COMMD8: variants seen among roughly 807,000 people sequenced by gnomAD.
COMMD8 encodes the protein COMM domain containing 8.
COMMD8 carries 28 observed loss-of-function variants against 27.2 expected under a neutral mutation model. That is an observed-to-expected ratio of 1.03 (90% CI 0.76 to 1.41). The LOEUF is 1.41. COMMD8 is among the 40% of genes most tolerant of loss of function. The pLI is 0.00. For missense variants in COMMD8, 217 were observed against 211.2 expected (o/e 1.03, Z -0.17); for synonymous variants, 79 against 75.5 (o/e 1.05, Z -0.24).
At chr4:47,455,099 C>T (rs1047821468) in intron 3 of COMMD8, among the ~76,000 whole-genome samples, 1 of 151,880 alleles carries the variant, frequency 6.6e-6, no homozygotes, top group African/African-American at 2.4e-5. Flanking sequence ...CTGCAAGCTC[C>T]ACCTCCTGGG....
At chr4:47,453,713 G>A (rs1273374506) in intron 3 of COMMD8, among the ~76,000 whole-genome samples, 1 of 152,160 alleles carries the variant, frequency 6.6e-6, no homozygotes, top group Non-Finnish European at 1.5e-5. Context: ...GAAACACTCT[G>A]TACATTTACC....
chr4:47,454,864 C>CAAAAAAA (rs1187989270), intron 3 of COMMD8, among the ~76,000 whole-genome samples: 25 of 39,484 alleles, frequency 6.3e-4, no homozygotes, highest in South Asian at 1.3e-3. Flanking sequence ...AACTCCATCT[C>CAAAAAAA]AAAAAAAAAA....
chr4:47,456,564 C>T lies in COMMD8; in HGVS notation c.375+13G>A. 1 of 1,587,098 alleles carries T rather than the reference C, an allele frequency of 6.3e-7. No individual in the cohort carries two copies. Among genetic ancestry groups the T allele is most frequent in the Non-Finnish European group, 8.6e-7 (1 of 1,168,420 alleles). On this transcript the variant is annotated intron_variant, in intron 3 of 4. Transcript: ENST00000381571. ...AAATGAAATAAAAAATACACATACT[C>T]ATAGACTCTTACCTTTACCTGCCAA...
In COMMD8 at chr4:47,453,185, T is replaced by G; in HGVS notation, c.405A>C (p.Ala135=). The change falls in exon 4 of 5, where the codon GCA becomes GCC. Residue 135 remains alanine, a synonymous_variant. Coordinates refer to ENST00000381571, the MANE Select transcript of COMMD8 (RefSeq NM_017845.5). ...GCAGGCTTAAAAGTGGCATTCGTAA[T>G]GCAGCAATCTTGTCACTGGAAAGTG... ...KLALSSDKIA[A]LRMPLLSLHL... is the part of the protein sequence containing the mutation. 6.2e-7 allele frequency: 1 copy of G among 1,613,942 alleles called. No individual in the cohort carries two copies. The highest frequency in any genetic ancestry group is 1.1e-5 in the South Asian group (1 of 91,054).
rs1226670850 is a variant in COMMD8, at chr4:47,456,698, A to G, written c.254T>C (p.Leu85Pro). The G allele has an allele frequency of 6.2e-7, 1 of 1,606,290 alleles. No homozygotes were observed. Among genetic ancestry groups the G allele is most frequent in the Admixed American group, 1.7e-5 (1 of 58,330 alleles). The change falls in exon 3 of 5, where the codon CTT becomes CCT. Residue 85 changes from leucine (L) to proline (P), a missense_variant. Coordinates refer to ENST00000381571, the MANE Select transcript of COMMD8 (RefSeq NM_017845.5). ...IFQQLNQLNS[L>P]HQETIMKCVK... ...GCATTTCATGATAGTTTCTTGATGA[A>G]GTGAATTCAACTGATTCAACTGCTG...
chr4:47,458,808 T>C (rs534869247), intron 2 of COMMD8, among the ~76,000 whole-genome samples: 1 of 152,184 alleles, frequency 6.6e-6, no homozygotes, highest in Non-Finnish European at 1.5e-5. Flanking sequence ...AGTATAGCAT[T>C]GGCAAATATA....
rs185257076 is a variant in COMMD8, at chr4:47,458,669, T to C, written c.222+1475A>G. On this transcript the variant is annotated intron_variant, in intron 2 of 4. Coordinates refer to ENST00000381571, the MANE Select transcript of COMMD8 (RefSeq NM_017845.5). ...AGGTTTGTAGGTTAAAACTGAAAAG[T>C]TGATTCTAGAGGGTTATCCGAAAAT... Among the ~76,000 whole-genome samples the C allele has an allele frequency of 7.2e-5, 11 of 152,100 alleles. 1 individual carries two copies. The highest frequency in any genetic ancestry group is 6.5e-4 in the Admixed American group (10 of 15,272).
At chr4:47,463,412 T>C (rs531706335) in intron 1 of COMMD8, among the ~76,000 whole-genome samples, 174 bp downstream of exon 1, 2 of 152,354 alleles carry the variant, frequency 1.3e-5, no homozygotes, top group East Asian at 1.9e-4. Context: ...CGCCCCAAGC[T>C]GTCCTCCTAG....
intron 3 of COMMD8, among the ~76,000 whole-genome samples, chr4:47,453,977 TGTG>T: frequency 6.6e-6 from 1 of 152,332 alleles, no homozygotes; most frequent in Non-Finnish European, 1.5e-5. Context: ...GGATCTCCCT[TGTG>T]GTACATACAC....
chr4:47,452,940 G>A, intron 4 of COMMD8, 119 bp downstream of exon 4: 1 of 769,060 alleles, frequency 1.3e-6, no homozygotes, highest in Non-Finnish European at 2.1e-6. Context: ...AGGTTGCAGT[G>A]AGCCGAGTTC....
intron 2 of COMMD8, among the ~76,000 whole-genome samples, chr4:47,458,740 C>CT (rs1166150909): frequency 6.6e-6 from 1 of 152,040 alleles, no homozygotes; most frequent in Non-Finnish European, 1.5e-5. Context: ...TGAAGGTCTT[C>CT]TATTACCAGA....
In COMMD8 at chr4:47,463,599, T is replaced by C. The variant is rs1426216809; in HGVS notation, c.53A>G (p.Glu18Gly). ...ACCCGCCCTCACCTGCGGGCCCAGC[T>C]CGGCCGGCAGCTTCTGCAGCCGCCA... ...PLWRLQKLPA[E>G]LGPQLLHKII... is the part of the protein sequence containing the mutation. The change falls in exon 1 of 5, where the codon GAG becomes GGG. Residue 18 changes from glutamate (E) to glycine (G), a missense_variant. By Grantham distance (98) the Glu-to-Gly change is moderately conservative. Coordinates refer to ENST00000381571, the MANE Select transcript of COMMD8 (RefSeq NM_017845.5). 6.5e-7 allele frequency: 1 copy of C among 1,546,248 alleles called. No individual in the cohort carries two copies. The highest frequency in any genetic ancestry group is 2.0e-5 in the Admixed American group (1 of 50,886).
intron 2 of COMMD8, among the ~76,000 whole-genome samples, chr4:47,459,488 TAATA>T (rs144866481): frequency 3.7e-4 from 57 of 152,236 alleles, no homozygotes; most frequent in African/African-American, 1.3e-3. Context: ...GCACTACTTG[TAATA>T]ATGAAAGAAG....
At chr4:47,453,439 A>T (rs139026135) in intron 3 of COMMD8, among the ~76,000 whole-genome samples, 147 of 152,342 alleles carry the variant, frequency 9.6e-4, no homozygotes, top group African/African-American at 3.4e-3. Context: ...TAAGACAACC[A>T]GTCAGCAATC....
intron 1 of COMMD8, among the ~76,000 whole-genome samples, chr4:47,463,178 G>GT (rs904782091): frequency 1.3e-5 from 2 of 151,780 alleles, no homozygotes; most frequent in Non-Finnish European, 2.9e-5. Flanking sequence ...ACCCTCAAGG[G>GT]GGGAGGCAGG....
intron 1 of COMMD8, 30 bp from the exon 2 acceptor site, chr4:47,460,329 T>TA: frequency 6.3e-7 from 1 of 1,584,162 alleles, no homozygotes; most frequent in East Asian, 2.3e-5. Flanking sequence ...TAAATGTACT[T>TA]ATAAGTAAAA....
intron 1 of COMMD8, among the ~76,000 whole-genome samples, chr4:47,461,757 T>C (rs1166994212): frequency 6.6e-6 from 1 of 150,966 alleles, no homozygotes; most frequent in East Asian, 1.9e-4. Context: ...TGATCCTCAC[T>C]ACAACTCTGA....
chr4:47,451,718 T>C (rs376189942), intron 4 of COMMD8, 53 bp from the exon 5 acceptor site: 2 of 1,357,342 alleles, frequency 1.5e-6, no homozygotes, highest in African/African-American at 3.1e-5. Context: ...CTGATGCTGA[T>C]ATATTCCATA....
intron 1 of COMMD8, among the ~76,000 whole-genome samples, chr4:47,463,050 C>T (rs983085255): frequency 2.4e-4 from 36 of 152,292 alleles, no homozygotes; most frequent in African/African-American, 7.9e-4. Flanking sequence ...AATGTGGTTG[C>T]TTTTTCCAGA....
Sources: gnomAD v4.1 joint callset for allele counts (sites outside exome capture counted in the v4.1 genomes callset) on GRCh38, gnomAD v4.1.1 for gene constraint, MANE v1.5 for transcripts, NCBI Gene and HGNC (gene_info 2026-07-23, HGNC 2026-07-21) for gene names.